The following PAQR8 variants were observed in gnomAD, a reference collection of about 807,000 sequenced individuals.
PAQR8 encodes the protein progestin and adipoQ receptor family member 8.
PAQR8 carries 17 observed loss-of-function variants against 25.2 expected under a neutral mutation model. The ratio of observed to expected loss-of-function variants is 0.67; its 90% CI spans 0.46 to 1.01. The LOEUF (loss-of-function observed/expected upper bound fraction) is 1.01, where lower values mean the gene tolerates loss of function less well. Among genes scored for constraint, PAQR8 ranks in the 50% least tolerant of loss-of-function variants. PAQR8 has a pLI of 0.00. For missense variants in PAQR8, 392 were observed against 448.4 expected (o/e 0.87, Z 1.14); for synonymous variants, 204 against 190.6 (o/e 1.07, Z -0.58).
chr6:52,377,920 A>G (rs1763503587), intron 1 of PAQR8, among the ~76,000 whole-genome samples: 1 of 152,226 alleles, frequency 6.6e-6, no homozygotes, highest in Non-Finnish European at 1.5e-5. Flanking sequence ...GTGGACTAAT[A>G]CATTGGTAGA....
chr6:52,397,174 G>A (rs765605484), intron 1 of PAQR8, among the ~76,000 whole-genome samples: 5 of 152,080 alleles, frequency 3.3e-5, no homozygotes, highest in Non-Finnish European at 5.9e-5. Flanking sequence ...ATAGTTTCAC[G>A]GGAGAGAAAT....
rs997635438 is a variant in PAQR8 at position 52,369,528 on chromosome 6, C to T, written c.-53+7279C>T. On this transcript the variant is annotated intron_variant, in intron 1 of 1. Coordinates refer to ENST00000442253, the MANE Select transcript of PAQR8 (RefSeq NM_133367.5). Reference sequence around the variant, plus strand: ...CTGCTCTTTTGACTCCAAGAGAATACCAAAAGGTTCAAAATAAATCCGTAG... The same window carrying T: ...CTGCTCTTTTGACTCCAAGAGAATATCAAAAGGTTCAAAATAAATCCGTAG... Among the ~76,000 whole-genome samples, 12 of 152,254 alleles carry T rather than the reference C, an allele frequency of 7.9e-5. 2 individuals are homozygous for T. In the South Asian group the frequency reaches 2.5e-3, roughly 32 times the overall value.
chr6:52,403,472 C>G lies in PAQR8; in HGVS notation c.259C>G (p.Leu87Val), dbSNP rs779104784. The change falls in exon 2 of 2, where the codon CTG (leucine) becomes GTG (valine). Residue 87 changes from leucine (L) to valine (V), a missense_variant. By Grantham distance (32) the Leu-to-Val change is conservative (BLOSUM62 1). Transcript: ENST00000442253. The stretch of plus-strand genomic sequence containing the variant: ...CGTCTGGACCCATTTACTGGCAGCC[C>G]TGGCCGTCCTCTTGCGATTCTGGGC... ...VNVWTHLLAALAVLLRFWAFA... is the reference protein window; with the variant it reads ...VNVWTHLLAAVAVLLRFWAFA... 1.2e-6 allele frequency: 2 copies of G among 1,614,208 alleles called. No homozygotes were observed. Among genetic ancestry groups the G allele is most frequent in the Admixed American group, 1.7e-5 (1 of 60,034 alleles).
chr6:52,398,334 G>A (rs1050556554), intron 1 of PAQR8, among the ~76,000 whole-genome samples: 2 of 151,068 alleles, frequency 1.3e-5, no homozygotes, highest in South Asian at 2.1e-4. Flanking sequence ...AGCCTTCTGA[G>A]TAGTTGGGAT....
At chr6:52,380,544 GAAAC>G (rs1724663172) in intron 1 of PAQR8, among the ~76,000 whole-genome samples, 1 of 152,166 alleles carries the variant, frequency 6.6e-6, no homozygotes. Flanking sequence ...CTATAACCTA[GAAAC>G]AAACACCAAG....
At chr6:52,393,057 G>C (rs1349451533) in intron 1 of PAQR8, among the ~76,000 whole-genome samples, 1 of 152,138 alleles carries the variant, frequency 6.6e-6, no homozygotes, top group Non-Finnish European at 1.5e-5. Flanking sequence ...AGTCATAGAG[G>C]GCATTTTTTG....
chr6:52,374,756 C>T (rs1387975553), intron 1 of PAQR8, among the ~76,000 whole-genome samples: 1 of 152,048 alleles, frequency 6.6e-6, no homozygotes, highest in Non-Finnish European at 1.5e-5. Context: ...CCTGTCCCAT[C>T]ACAGAAGCCA....
In PAQR8 at chr6:52,403,841, A is replaced by C. The variant is rs748069680; in HGVS notation, c.628A>C (p.Lys210Gln). The C allele has an allele frequency of 6.2e-7, 1 of 1,614,156 alleles. No individual in the cohort carries two copies. Among genetic ancestry groups the C allele is most frequent in the South Asian group, 1.1e-5 (1 of 91,076 alleles). Residue 210 changes from lysine (K) to glutamine (Q), a missense_variant, in exon 2 of 2, where the codon AAG becomes CAG. By Grantham distance (53) the Lys-to-Gln change is moderately conservative (BLOSUM62 1). Transcript: ENST00000442253. Reference sequence around the variant, plus strand: ...CCGGAGGCCTTATCCAGTCATGAGGAAGATCTGTCAAGTGGTGCCAGCAGG... The same window carrying C: ...CCGGAGGCCTTATCCAGTCATGAGGCAGATCTGTCAAGTGGTGCCAGCAGG... ...RYRRPYPVMR[K>Q]ICQVVPAGLA...
intron 1 of PAQR8, among the ~76,000 whole-genome samples, chr6:52,384,168 A>G (rs1478886290): frequency 1.3e-5 from 2 of 152,242 alleles, no homozygotes; most frequent in South Asian, 2.1e-4. Flanking sequence ...GGTTACATCA[A>G]TAACAACTAT....
intron 1 of PAQR8, among the ~76,000 whole-genome samples, chr6:52,372,939 G>A (rs1198768391): frequency 6.6e-6 from 1 of 152,158 alleles, no homozygotes; most frequent in Non-Finnish European, 1.5e-5. Context: ...GACACAAGGA[G>A]TTTAAATTAC....
intron 1 of PAQR8, among the ~76,000 whole-genome samples, chr6:52,394,965 A>C (rs1763750587): frequency 6.6e-6 from 1 of 152,050 alleles, no homozygotes; most frequent in Admixed American, 6.6e-5. Context: ...TTCTAAGATA[A>C]ATTTTTAAGA....
chr6:52,387,038 G>A (rs1187357186), intron 1 of PAQR8, among the ~76,000 whole-genome samples: 1 of 152,000 alleles, frequency 6.6e-6, no homozygotes, highest in African/African-American at 2.4e-5. Context: ...TTGAGACGGA[G>A]TCTCACTCTG....
At chr6:52,386,709 G>A (rs1384032059) in intron 1 of PAQR8, among the ~76,000 whole-genome samples, 1 of 152,178 alleles carries the variant, frequency 6.6e-6, no homozygotes, top group East Asian at 1.9e-4. Flanking sequence ...AAAACTACCT[G>A]TTGGGTACTA....
chr6:52,402,897 G>A (rs897790373), intron 1 of PAQR8, among the ~76,000 whole-genome samples: 2 of 152,058 alleles, frequency 1.3e-5, no homozygotes, highest in African/African-American at 4.8e-5. Context: ...TGTACATAGC[G>A]ACACCCCTGT....
In PAQR8 at chr6:52,362,805, A is replaced by C. The variant is rs1404415820; in HGVS notation, c.-53+556A>C. Among the ~76,000 whole-genome samples, 1 of 152,048 alleles carries C rather than the reference A, an allele frequency of 6.6e-6. No homozygotes were observed. ...GGAGAGCCCGAGGAAGGGCAGCCCGAGGTAGGGGAACCCCGGAAAGAGTAG... is the reference window on the plus strand; with the variant it reads ...GGAGAGCCCGAGGAAGGGCAGCCCGCGGTAGGGGAACCCCGGAAAGAGTAG... On this transcript the variant is annotated intron_variant, in intron 1 of 1. Coordinates refer to ENST00000442253, the MANE Select transcript of PAQR8 (RefSeq NM_133367.5). This position sits in a 1 kb window ranked among gnomAD's most constrained non-coding sequence, Gnocchi z 4.1.
intron 1 of PAQR8, among the ~76,000 whole-genome samples, chr6:52,387,388 T>C (rs570998538): frequency 6.6e-5 from 10 of 152,370 alleles, no homozygotes; most frequent in South Asian, 2.1e-4. Context: ...GTCAGAATTA[T>C]TGGGGTCTGC....
At chr6:52,382,366 A>T (rs1403740675) in intron 1 of PAQR8, among the ~76,000 whole-genome samples, 1 of 152,238 alleles carries the variant, frequency 6.6e-6, no homozygotes, top group African/African-American at 2.4e-5. Flanking sequence ...TTCTAGTCAT[A>T]TACATATCCA....
intron 1 of PAQR8, among the ~76,000 whole-genome samples, chr6:52,402,640 GAAAGA>G (rs1763848950): frequency 7.0e-6 from 1 of 143,392 alleles, no homozygotes; most frequent in African/African-American, 2.6e-5. Context: ...AAAAAAGAAA[GAAAGA>G]AAAAAAAGAA....
At chr6:52,379,132 C>T (rs930850599) in intron 1 of PAQR8, among the ~76,000 whole-genome samples, 65 of 146,208 alleles carry the variant, frequency 4.4e-4, no homozygotes, top group Admixed American at 1.4e-3. Flanking sequence ...AATTCTGGCA[C>T]ATGCTATGAC....
Sources: gnomAD v4.1 joint callset for allele counts (sites outside exome capture counted in the v4.1 genomes callset) on GRCh38, gnomAD v4.1.1 for gene constraint, Gnocchi (gnomAD v3.1) non-coding constraint, MANE v1.5 for transcripts, NCBI Gene and HGNC (gene_info 2026-07-23, HGNC 2026-07-21) for gene names.